Variants in ZNF829 observed in about 807,000 individuals in gnomAD.
The protein encoded by ZNF829 is zinc finger protein 829.
In ZNF829, 25 loss-of-function variants were observed where a neutral mutation model predicts 35.2. The observed-to-expected ratio is 0.71, with a 90% CI of 0.52 to 0.99. The LOEUF is 0.99. Ranked by LOEUF, ZNF829 falls within the 50% of genes least tolerant of loss-of-function variation. ZNF829 has a pLI of 0.00. For synonymous variants in ZNF829, 136 were observed against 163.2 expected, an observed-to-expected ratio of 0.83 and a Z score of 1.27; for missense variants, 417 against 515.3, an observed-to-expected ratio of 0.81 and a Z score of 1.85.
At chr19:36,909,680 G>T (rs943803916) in intron 3 of ZNF829, among the ~76,000 whole-genome samples, 7 of 151,892 alleles carry the variant, frequency 4.6e-5, no homozygotes, top group Non-Finnish European at 1.0e-4. Flanking sequence ...GGTGGTGCAC[G>T]CCTGTAATCC....
Position 36,916,028 on chromosome 19 carries a change from C to T in ZNF829, c.-102G>A. ...TATCTCACCTCCCAGATCTAAGGGTCCCGCCAGGAGTGACGAAACGTTCGA... is the reference window on the plus strand; with the variant it reads ...TATCTCACCTCCCAGATCTAAGGGTTCCGCCAGGAGTGACGAAACGTTCGA... On this transcript the variant is annotated 5_prime_UTR_variant, in exon 1 of 6. Coordinates refer to ENST00000391711, the MANE Select transcript of ZNF829 (RefSeq NM_001037232.4). The surrounding 1 kb of genome is among the most constrained non-coding windows in gnomAD (Gnocchi z 5.3). The T allele has an allele frequency of 2.5e-6, 3 of 1,210,424 alleles. No individual in the cohort carries two copies. The highest frequency in any genetic ancestry group is 1.5e-5 in the South Asian group (1 of 66,152). 75.0% of individuals were successfully genotyped at this position (1,210,424 alleles called of 1,614,324 possible).
Position 36,891,825 on chromosome 19 carries a change from T to C in ZNF829, c.966A>G (p.Lys322=). The C allele has an allele frequency of 6.2e-7, 1 of 1,614,138 alleles. No homozygotes were observed. The highest frequency in any genetic ancestry group is 1.3e-5 in the African/African-American group (1 of 75,050). Residue 322 remains lysine, a synonymous_variant, in exon 6 of 6, where the codon AAA becomes AAG. Coordinates refer to ENST00000391711, the MANE Select transcript of ZNF829 (RefSeq NM_001037232.4). ...TCCCACACTGCTTACATTCATAAGG[T>C]TTCTCACCAGTATGCATTCTCTGAT... ...IQHQRMHTGE[K]PYECKQCGKA...
At chr19:36,915,650 T>G (rs1600748789) in intron 1 of ZNF829, 2 of 590,708 alleles carry the variant, frequency 3.4e-6, no homozygotes, top group Admixed American at 5.9e-5. Flanking sequence ...CAGGCTGGAG[T>G]GCAGTGGTGC....
Position 36,892,141 on chromosome 19 carries a change from C to G in ZNF829, c.650G>C (p.Cys217Ser), listed in dbSNP as rs970447971. 6.2e-7 allele frequency: 1 copy of G among 1,613,940 alleles called. No individual in the cohort carries two copies. The highest frequency in any genetic ancestry group is 8.5e-7 in the Non-Finnish European group (1 of 1,180,004). The part of the protein sequence containing the change: ...TGKKPYECKE[C>S]GKAFSCSSYF... ...TGAACTACAACTAAAAGCCTTGCCA[C>G]ATTCCTTACATTCATAGGGTTTTTT... Residue 217 changes from cysteine to serine, a missense_variant, in exon 6 of 6, where the codon TGT becomes TCT. Physicochemically the swap from Cys to Ser is moderately radical, Grantham distance 112. Coordinates refer to ENST00000391711, the MANE Select transcript of ZNF829 (RefSeq NM_001037232.4).
Position 36,905,025 on chromosome 19 carries a change from T to C in ZNF829, c.319+2904A>G, listed in dbSNP as rs372430781. Among the ~76,000 whole-genome samples, 5 of 152,346 alleles carry C rather than the reference T, an allele frequency of 3.3e-5. No individual in the cohort carries two copies. In the South Asian group the frequency reaches 6.2e-4, roughly 19 times the overall value. On this transcript the variant is annotated intron_variant, in intron 5 of 5. Transcript: ENST00000391711. Reference sequence around the variant, plus strand: ...CTAGAATTCTTTCTCAAGGGACACATGGATCTTCTATTTCCAACGCTAACT... The same window carrying C: ...CTAGAATTCTTTCTCAAGGGACACACGGATCTTCTATTTCCAACGCTAACT...
rs146349680 is a variant in ZNF829, at chr19:36,902,201, G to A, written c.319+5728C>T. On this transcript the variant is annotated intron_variant, in intron 5 of 5. Transcript: ENST00000391711. Reference sequence around the variant, plus strand: ...AAAAACAAGTACCCCCCCGCACCCCGCAAAAATAACCCCACAACCTCACAA... The same window carrying A: ...AAAAACAAGTACCCCCCCGCACCCCACAAAAATAACCCCACAACCTCACAA... 1,637 of 191,114 alleles carry A rather than the reference G, an allele frequency of 8.6e-3. 7 individuals are homozygous for A. Among genetic ancestry groups the A allele is most frequent in the African/African-American group, 0.013 (517 of 40,702 alleles). 11.8% of individuals were successfully genotyped at this position (191,114 alleles called of 1,614,324 possible). A position where few individuals can be genotyped will look rare whatever the true frequency, so the allele number is the denominator to read the frequency against.
intron 5 of ZNF829, among the ~76,000 whole-genome samples, chr19:36,899,670 T>C (rs902376226): frequency 1.3e-5 from 2 of 151,056 alleles, no homozygotes; most frequent in African/African-American, 2.4e-5. Flanking sequence ...AGAAATCTAA[T>C]GTATAGCAGG....
At chr19:36,893,749 T>TA (rs1292925747) in intron 5 of ZNF829, among the ~76,000 whole-genome samples, 1 of 152,156 alleles carries the variant, frequency 6.6e-6, no homozygotes, top group East Asian at 1.9e-4. Context: ...GGTGAGTCCC[T>TA]AAAAATCTCT....
At chr19:36,900,590 G>A (rs554063606) in intron 5 of ZNF829, among the ~76,000 whole-genome samples, 1 of 152,136 alleles carries the variant, frequency 6.6e-6, no homozygotes, top group South Asian at 2.1e-4. Context: ...GCTCACTCCT[G>A]TAATCCCAGC....
In ZNF829 at chr19:36,889,353, T is replaced by C. The variant is rs1169650750; in HGVS notation, c.*2139A>G. The stretch of plus-strand genomic sequence containing the variant: ...TTCCCTCCTATAATTTTTGGAATAG[T>C]TTCAATAGTGCTGTTACTAGTTCTT... On this transcript the variant is annotated 3_prime_UTR_variant, in exon 6 of 6. Transcript: ENST00000391711. 6.6e-6 allele frequency: 1 copy of C among 152,188 alleles called. No homozygotes were observed. Among genetic ancestry groups the C allele is most frequent in the East Asian group, 1.9e-4 (1 of 5,190 alleles). The allele number at this position is 152,188 out of a possible 1,614,324, so 9.4% of individuals were successfully genotyped here.
intron 5 of ZNF829, among the ~76,000 whole-genome samples, chr19:36,897,120 A>G (rs1335153345): frequency 6.6e-6 from 1 of 152,200 alleles, no homozygotes; most frequent in East Asian, 1.9e-4. Flanking sequence ...GCTGAATCCT[A>G]CCAAAATTAC....
intron 5 of ZNF829, chr19:36,902,029 A>G: frequency 1.6e-6 from 1 of 639,416 alleles, no homozygotes; most frequent in Non-Finnish European, 2.8e-6. Context: ...ATGGGGATGA[A>G]GATTCACCAA....
chr19:36,915,750 C>A (rs776053876), intron 1 of ZNF829: 2 of 1,055,370 alleles, frequency 1.9e-6, no homozygotes, highest in East Asian at 2.7e-5. Context: ...GCGCGCGCCA[C>A]CATGCCTAGC....
rs1026529203 is a variant in ZNF829 at position 36,892,799 on chromosome 19, T to G, written c.320-328A>C. 1.6e-5 allele frequency: 10 copies of G among 615,862 alleles called. No homozygotes were observed. Among genetic ancestry groups the G allele is most frequent in the Non-Finnish European group, 2.4e-5 (10 of 420,642 alleles). The allele number at this position is 615,862 out of a possible 1,614,324, so 38.1% of individuals were successfully genotyped here. ...AGATTCTAATTAAAAAAAAAAAATT[T>G]TTTTTGCCCCCACCCCAGATCCCCC... On this transcript the variant is annotated intron_variant, in intron 5 of 5. Transcript: ENST00000391711.
intron 5 of ZNF829, among the ~76,000 whole-genome samples, chr19:36,903,875 T>A (rs1287564649): frequency 2.7e-5 from 4 of 148,280 alleles, no homozygotes; most frequent in East Asian, 2.0e-4. Flanking sequence ...AAAAAAAAAA[T>A]AACAATAGTT....
rs1210086402 is a variant in ZNF829, at chr19:36,890,672, C to T, written c.*820G>A. ...CCTGGCCAACATGGTGAAACCCCGT[C>T]GCTACTAAAAATACAAAAAAAAAAA... On this transcript the variant is annotated 3_prime_UTR_variant, in exon 6 of 6. Transcript: ENST00000391711. The T allele has an allele frequency of 7.3e-6, 1 of 137,720 alleles. No individual in the cohort carries two copies. Among genetic ancestry groups the T allele is most frequent in the Non-Finnish European group, 1.5e-5 (1 of 65,118 alleles). 8.5% of individuals were successfully genotyped at this position (137,720 alleles called of 1,614,324 possible).
chr19:36,908,588 G>T, intron 3 of ZNF829, 129 bp from the exon 4 acceptor site: 1 of 985,402 alleles, frequency 1.0e-6, no homozygotes, highest in Non-Finnish European at 1.4e-6. Context: ...TATACGTCCT[G>T]TGTACAAAGG....
rs73039109 is a variant in ZNF829 at position 36,891,073 on chromosome 19, A to G, written c.*419T>C. ...CAAGTTAAGATGAGGTCACCAGGTA[A>G]CCCCAATCTAACCTGACTGGTGTCC... On this transcript the variant is annotated 3_prime_UTR_variant, in exon 6 of 6. Coordinates refer to ENST00000391711, the MANE Select transcript of ZNF829 (RefSeq NM_001037232.4). 0.24 allele frequency: 38,457 copies of G among 157,806 alleles called. 5,531 individuals carry two copies. Among genetic ancestry groups the G allele is most frequent in the Non-Finnish European group, 0.33 (23,887 of 72,118 alleles). The allele number at this position is 157,806 out of a possible 1,614,324, so 9.8% of individuals were successfully genotyped here.
rs137906528 is a variant in ZNF829 at position 36,910,342 on chromosome 19, C to T, written c.97-1883G>A. Among the ~76,000 whole-genome samples, 944 of 152,328 alleles carry T rather than the reference C, an allele frequency of 6.2e-3. 27 individuals carry two copies. The highest frequency in any genetic ancestry group is 0.049 in the East Asian group (255 of 5,172). ...TCAAGTGATCCACCTGCCTCAGCCT[C>T]CCAAAGTGCTGGGATGACAGGCGTG... On this transcript the variant is annotated intron_variant, in intron 3 of 5. Transcript: ENST00000391711.
Sources: allele counts gnomAD v4.1 joint callset (sites outside exome capture counted in the v4.1 genomes callset), GRCh38; gene constraint gnomAD v4.1.1; non-coding constraint Gnocchi (gnomAD v3.1); transcripts MANE v1.5; gene names NCBI Gene and HGNC (gene_info 2026-07-23, HGNC 2026-07-21).